Variants in DCT observed in about 807,000 individuals in gnomAD.
The protein encoded by DCT is dopachrome tautomerase.
DCT carries 47 observed loss-of-function variants against 53.0 expected under a neutral mutation model. The observed-to-expected ratio is 0.89, with a 90% CI of 0.70 to 1.13. DCT has a LOEUF of 1.13. DCT is among the 50% of genes most tolerant of loss of function. DCT has a pLI of 0.00. For synonymous variants in DCT, 244 were observed against 237.0 expected (o/e 1.03, Z -0.27); for missense variants, 669 against 637.4 (o/e 1.05, Z -0.53).
At chr13:94,509,658 A>T in the DCT span, among the ~76,000 whole-genome samples, 1 of 152,200 alleles carries the variant, frequency 6.6e-6, no homozygotes, top group East Asian at 1.9e-4. Flanking sequence ...TGACTGATAC[A>T]TGGGCTCTGG....
At chr13:94,529,045 G>A in the DCT span, among the ~76,000 whole-genome samples, 5 of 152,066 alleles carry the variant, frequency 3.3e-5, no homozygotes, top group African/African-American at 1.2e-4. Context: ...GACAAAGAAG[G>A]CCACTACATA....
intron 7 of DCT, among the ~76,000 whole-genome samples, chr13:94,441,260 T>G (rs1360591704): frequency 6.6e-6 from 1 of 152,252 alleles, no homozygotes; most frequent in African/African-American, 2.4e-5. Flanking sequence ...ATATTTTTAT[T>G]CTGCCATTTC....
rs549814774 is a variant in DCT at position 94,437,025 on chromosome 13, C to T, written c.*2873G>A. 7 of 134,544 alleles carry T rather than the reference C, an allele frequency of 5.2e-5. No homozygotes were observed. Among genetic ancestry groups the T allele is most frequent in the Non-Finnish European group, 8.0e-5 (5 of 62,402 alleles). The allele number at this position is 134,544 out of a possible 1,614,324, so 8.3% of individuals were successfully genotyped here. ...CACTTGAAGCAGCCACCTGCTTCCA[C>T]CCCAGGATTAGTCACTAAACTGTGG... On this transcript the variant is annotated 3_prime_UTR_variant, in exon 8 of 8. Coordinates refer to ENST00000377028, the MANE Select transcript of DCT (RefSeq NM_001922.5).
chr13:94,519,153 C>G, the DCT span, among the ~76,000 whole-genome samples: 5 of 152,176 alleles, frequency 3.3e-5, no homozygotes. Flanking sequence ...TGATATCCTG[C>G]TAAAGCCCCC....
chr13:94,474,588 C>T lies in DCT; in HGVS notation c.295+4373G>A, dbSNP rs144315841. On this transcript the variant is annotated intron_variant, in intron 1 of 7. Transcript: ENST00000377028. ...TCAACTGTTCAAAAACTATTTGGTG[C>T]GCAAGTTTTTCAGAAGCCAAAAGAC... 3.7e-3 allele frequency among the ~76,000 whole-genome samples: 565 copies of T among 152,226 alleles called. 6 individuals are homozygous for T. The highest frequency in any genetic ancestry group is 0.012 in the African/African-American group (508 of 41,542).
At chr13:94,529,812 G>C in the DCT span, among the ~76,000 whole-genome samples, 1 of 152,170 alleles carries the variant, frequency 6.6e-6, no homozygotes, top group Non-Finnish European at 1.5e-5. Flanking sequence ...CAAGGAGATA[G>C]AGACCCAACA....
intron 3 of DCT, 38 bp downstream of exon 3, chr13:94,466,519 TA>T: frequency 7.2e-7 from 1 of 1,384,502 alleles, no homozygotes; most frequent in Non-Finnish European, 9.9e-7. Context: ...ATAAATTTTT[TA>T]AAAAATTAAA....
At chr13:94,548,316 C>CA in the DCT span, among the ~76,000 whole-genome samples, 1 of 151,862 alleles carries the variant, frequency 6.6e-6, no homozygotes, top group East Asian at 1.9e-4. Context: ...AATTAATGTC[C>CA]AATTAGAGAA....
the DCT span, among the ~76,000 whole-genome samples, chr13:94,519,693 C>G: frequency 6.6e-6 from 1 of 152,178 alleles, no homozygotes; most frequent in Admixed American, 6.5e-5. Flanking sequence ...TGAAGATGTC[C>G]TTTTTCTATC....
the DCT span, among the ~76,000 whole-genome samples, chr13:94,488,723 T>TACAC: frequency 5.6e-4 from 78 of 139,234 alleles, 1 homozygote; most frequent in East Asian, 1.7e-3. Flanking sequence ...GTCTAATATA[T>TACAC]ACACACACAC....
At chr13:94,470,509 T>A (rs532976432) in intron 1 of DCT, among the ~76,000 whole-genome samples, 29 of 152,306 alleles carry the variant, frequency 1.9e-4, no homozygotes, top group African/African-American at 6.5e-4. Context: ...GGGTAAAATT[T>A]AAATATCATT....
At chr13:94,486,408 A>G in the DCT span, among the ~76,000 whole-genome samples, 2 of 152,186 alleles carry the variant, frequency 1.3e-5, no homozygotes, top group Admixed American at 1.3e-4. Flanking sequence ...TAGAATTAAG[A>G]AATCCTCATT....
chr13:94,441,657 T>A (rs1253052009), intron 7 of DCT, among the ~76,000 whole-genome samples: 5 of 152,220 alleles, frequency 3.3e-5, no homozygotes, highest in South Asian at 2.1e-4. Context: ...TTCATCCATG[T>A]TGTGGCATGT....
At chr13:94,479,883 A>G (rs1885364580), upstream of DCT, among the ~76,000 whole-genome samples, 1 of 152,214 alleles carries the variant, frequency 6.6e-6, no homozygotes, top group Admixed American at 6.5e-5. Context: ...CATCTTCTTT[A>G]TCTGGGCTCA....
intron 7 of DCT, among the ~76,000 whole-genome samples, chr13:94,443,195 T>C (rs1882467933): frequency 6.6e-6 from 1 of 152,212 alleles, no homozygotes; most frequent in Admixed American, 6.5e-5. Context: ...TAATAAGATC[T>C]ATTTAAAACT....
chr13:94,506,263 C>A, the DCT span, among the ~76,000 whole-genome samples: 7 of 152,262 alleles, frequency 4.6e-5, no homozygotes, highest in African/African-American at 9.6e-5. Flanking sequence ...TTTCTAAATA[C>A]CATTCTCCAT....
the DCT span, among the ~76,000 whole-genome samples, chr13:94,534,561 G>A: frequency 0.26 from 39,879 of 152,214 alleles, 6,514 homozygotes; most frequent in East Asian, 0.61. Context: ...GTCAACTACT[G>A]GGAGCAGAAG....
chr13:94,489,837 G>A, the DCT span, among the ~76,000 whole-genome samples: 1 of 151,796 alleles, frequency 6.6e-6, no homozygotes, highest in Non-Finnish European at 1.5e-5. Flanking sequence ...TTTTTTTCTG[G>A]AAACTAAATA....
At chr13:94,516,675 A>G in the DCT span, among the ~76,000 whole-genome samples, 1 of 152,076 alleles carries the variant, frequency 6.6e-6, no homozygotes, top group African/African-American at 2.4e-5. Context: ...TATCATGGGA[A>G]TGAGACTGGT....
Sources: gnomAD v4.1 joint callset for allele counts (sites outside exome capture counted in the v4.1 genomes callset) on GRCh38, gnomAD v4.1.1 for gene constraint, MANE v1.5 for transcripts, NCBI Gene and HGNC (gene_info 2026-07-23, HGNC 2026-07-21) for gene names.